The following CREB5 variants were observed in gnomAD, a reference collection of about 807,000 sequenced individuals.
CREB5 encodes cAMP responsive element binding protein 5, also known as cyclic AMP-responsive element-binding protein 5.
Under a neutral mutation model 57.1 loss-of-function variants are expected in CREB5, and 19 were observed. The ratio of observed to expected loss-of-function variants is 0.33; its 90% confidence interval spans 0.23 to 0.49. CREB5 has a LOEUF of 0.49. Ranked by LOEUF, CREB5 falls within the 20% of genes least tolerant of loss-of-function variation. The pLI, the probability that CREB5 is intolerant of heterozygous loss-of-function variation, is 0.99. For missense variants in CREB5, 579 were observed against 671.6 expected (o/e 0.86, Z 1.52); for synonymous variants, 238 against 238.3 (o/e 1.00, Z 0.01).
intron 3 of CREB5, among the ~76,000 whole-genome samples, chr7:28,499,339 G>C (rs987342000): frequency 2.6e-5 from 4 of 152,138 alleles, no homozygotes; most frequent in Non-Finnish European, 5.9e-5. Flanking sequence ...ATACCAGCAA[G>C]TTCAGTCTTT....
rs550490428 is a variant in CREB5, at chr7:28,366,019, C to A, written c.-25+66578C>A. ...TCTTTTTAAATGTGCCCAGTGAAAT[C>A]TAAACACCATAGAAATTTGATACCA... On this transcript the variant is annotated intron_variant, in intron 1 of 9. Transcript: ENST00000396299. Among the ~76,000 whole-genome samples the A allele has an allele frequency of 1.1e-4, 16 of 152,264 alleles. No homozygotes were observed. The South Asian group carries it at 1.5e-3, about 14-fold the overall frequency.
chr7:28,736,201 C>T (rs973097778), intron 7 of CREB5, among the ~76,000 whole-genome samples: 4 of 152,046 alleles, frequency 2.6e-5, no homozygotes, highest in African/African-American at 7.2e-5. Flanking sequence ...CAGAGTTTTG[C>T]TCTTGTTGCC....
rs541533632 is a variant in CREB5 at position 28,686,999 on chromosome 7, T to A, written c.465-31754T>A. On this transcript the variant is annotated intron_variant, in intron 5 of 10. Coordinates refer to ENST00000357727, the MANE Select transcript of CREB5 (RefSeq NM_182898.4). ...TTGGTTGGGGGGTTGGGGGGGCGATTTTTGAGTGTAACTGGTGAATTGTAA... is the reference window on the plus strand; with the variant it reads ...TTGGTTGGGGGGTTGGGGGGGCGATATTTGAGTGTAACTGGTGAATTGTAA... Among the ~76,000 whole-genome samples the A allele has an allele frequency of 1.7e-4, 26 of 151,994 alleles. No individual in the cohort carries two copies. The East Asian group carries it at 5.0e-3, about 29-fold the overall frequency.
At chr7:28,522,745 G>T (rs755556668) in intron 4 of CREB5, among the ~76,000 whole-genome samples, 1 of 152,152 alleles carries the variant, frequency 6.6e-6, no homozygotes, top group Non-Finnish European at 1.5e-5. Context: ...GTTGAGCTTC[G>T]TCTTAGCTCT....
At chr7:28,501,865 C>T (rs1395114564) in intron 3 of CREB5, among the ~76,000 whole-genome samples, 3 of 152,102 alleles carry the variant, frequency 2.0e-5, no homozygotes, top group Non-Finnish European at 2.9e-5. Flanking sequence ...GTTGAGCATG[C>T]GTTGTAAGAG....
chr7:28,385,635 C>T (rs1044735104), intron 1 of CREB5, among the ~76,000 whole-genome samples: 1 of 151,028 alleles, frequency 6.6e-6, no homozygotes, highest in African/African-American at 2.4e-5. Context: ...CATGATCACA[C>T]CACTACACTC....
In CREB5 at chr7:28,822,106, T is replaced by C. The variant is rs1388577107; in HGVS notation, c.*2827T>C. The C allele has an allele frequency of 6.6e-6, 1 of 152,288 alleles. No homozygotes were observed. The highest frequency in any genetic ancestry group is 2.4e-5 in the African/African-American group (1 of 41,460). The allele number at this position is 152,288 out of a possible 1,614,324, so 9.4% of individuals were successfully genotyped here. A position where few individuals can be genotyped will look rare whatever the true frequency, so the allele number is the denominator to read the frequency against. On this transcript the variant is annotated 3_prime_UTR_variant, in exon 11 of 11. Transcript: ENST00000357727. The stretch of plus-strand genomic sequence containing the variant: ...ATAGCTCAATTATGTCTGTTTTTTA[T>C]GCTAAGTAGGAAAACCAACCACACA...
intron 1 of CREB5, among the ~76,000 whole-genome samples, chr7:28,325,485 T>C (rs1383678040): frequency 6.6e-6 from 1 of 151,930 alleles, no homozygotes; most frequent in Non-Finnish European, 1.5e-5. Context: ...AATCAAACCA[T>C]GCTTAAACCA....
intron 5 of CREB5, among the ~76,000 whole-genome samples, chr7:28,686,765 T>C (rs1800953278): frequency 6.6e-6 from 1 of 152,224 alleles, no homozygotes; most frequent in African/African-American, 2.4e-5. Context: ...GCAGTGACTG[T>C]AACCGGCTTC....
At chr7:28,410,799 C>A (rs1184595679), upstream of CREB5, 1 of 349,502 alleles carries the variant, frequency 2.9e-6, no homozygotes, top group Non-Finnish European at 5.6e-6. Context: ...GCTTGAGCTC[C>A]TCAAGGGTTC....
At chr7:28,382,384 C>T (rs1281946100) in intron 1 of CREB5, among the ~76,000 whole-genome samples, 1 of 152,088 alleles carries the variant, frequency 6.6e-6, no homozygotes, top group East Asian at 1.9e-4. Flanking sequence ...TCAGCAGAAG[C>T]GTGGCAGGCT....
chr7:28,337,895 T>C (rs149107890), intron 1 of CREB5, among the ~76,000 whole-genome samples: 1 of 152,260 alleles, frequency 6.6e-6, no homozygotes, highest in African/African-American at 2.4e-5. Context: ...GAGGTTACCA[T>C]AAAGCTTGCA....
intron 5 of CREB5, among the ~76,000 whole-genome samples, chr7:28,696,805 T>C (rs1801593074): frequency 6.7e-6 from 1 of 149,900 alleles, no homozygotes; most frequent in African/African-American, 2.5e-5. Context: ...TATACGTATA[T>C]ATACACATAC....
At chr7:28,553,574 C>A (rs1318581269) in intron 4 of CREB5, among the ~76,000 whole-genome samples, 1 of 152,152 alleles carries the variant, frequency 6.6e-6, no homozygotes, top group South Asian at 2.1e-4. Context: ...TATATGAAAC[C>A]ATAGAGGCAG....
At chr7:28,463,830 C>T (rs1790447664) in intron 1 of CREB5, among the ~76,000 whole-genome samples, 1 of 152,042 alleles carries the variant, frequency 6.6e-6, no homozygotes, top group Non-Finnish European at 1.5e-5. Context: ...TGGATAATTC[C>T]TTAGTTTCTT....
chr7:28,529,987 G>T (rs1054969126), intron 4 of CREB5, among the ~76,000 whole-genome samples: 3 of 152,178 alleles, frequency 2.0e-5, no homozygotes, highest in Non-Finnish European at 2.9e-5. Context: ...GCTCCATGAG[G>T]CAGGTTTTAT....
intron 1 of CREB5, among the ~76,000 whole-genome samples, chr7:28,320,031 A>G (rs949450785): frequency 2.0e-5 from 3 of 152,048 alleles, no homozygotes; most frequent in Admixed American, 2.0e-4. Context: ...CCTGGGGTCA[A>G]GTGGTTCTCA....
intron 1 of CREB5, among the ~76,000 whole-genome samples, chr7:28,354,075 C>T (rs540283008): frequency 9.2e-5 from 14 of 152,232 alleles, no homozygotes; most frequent in African/African-American, 3.4e-4. Flanking sequence ...AAAATTTAGG[C>T]ACGATCCTTC....
chr7:28,537,499 A>C (rs984339710), intron 4 of CREB5, among the ~76,000 whole-genome samples: 1 of 152,204 alleles, frequency 6.6e-6, no homozygotes, highest in African/African-American at 2.4e-5. Flanking sequence ...AGGTGTACAA[A>C]GATGGGAGAT....
Sources: gnomAD v4.1 joint callset for allele counts (sites outside exome capture counted in the v4.1 genomes callset) on GRCh38, gnomAD v4.1.1 for gene constraint, MANE v1.5 for transcripts, NCBI Gene and HGNC (gene_info 2026-07-23, HGNC 2026-07-21) for gene names.